TENT4A: variants seen among roughly 807,000 people sequenced by gnomAD.
TENT4A encodes the protein terminal nucleotidyltransferase 4A.
TENT4A carries 7 observed loss-of-function variants against 72.8 expected under a neutral mutation model. That is an observed-to-expected ratio of 0.10 (90% confidence interval 0.05 to 0.18). The LOEUF is 0.18. Ranked by LOEUF, TENT4A falls within the 10% of genes least tolerant of loss-of-function variation. The probability of loss-of-function intolerance (pLI) is 1.00; values close to 1 mark genes in which losing one functional copy is unlikely to be tolerated. For missense variants in TENT4A, 831 were observed against 1,017.7 expected (o/e 0.82, Z 2.50); for synonymous variants, 456 against 434.3 (o/e 1.05, Z -0.62).
rs1742490655 is a variant in TENT4A at position 6,752,916 on chromosome 5, T to A, written c.2063T>A (p.Val688Asp). Residue 688 changes from valine (V) to aspartate (D), a missense_variant, in exon 12 of 13, where the codon GTT becomes GAT. Coordinates refer to ENST00000230859, the MANE Select transcript of TENT4A (RefSeq NM_006999.6). ...IPPPTLGVAPVPCRQAGVEGT... is the reference protein window; with the variant it reads ...IPPPTLGVAPDPCRQAGVEGT... Reference sequence around the variant, plus strand: ...CCACCGACCCTAGGGGTTGCTCCTGTTCCTTGCAGACAAGCTGGTGTAGAA... The same window carrying A: ...CCACCGACCCTAGGGGTTGCTCCTGATCCTTGCAGACAAGCTGGTGTAGAA... 1 of 1,614,090 alleles carries A rather than the reference T, an allele frequency of 6.2e-7. No individual in the cohort carries two copies. Among genetic ancestry groups the A allele is most frequent in the Admixed American group, 1.7e-5 (1 of 59,998 alleles).
chr5:6,725,165 C>T (rs1219289194), intron 1 of TENT4A, among the ~76,000 whole-genome samples: 2 of 152,002 alleles, frequency 1.3e-5, no homozygotes, highest in African/African-American at 4.8e-5. Flanking sequence ...ACTAAAAATA[C>T]AAAAAATTAT....
chr5:6,719,590 C>G (rs1387389216), intron 1 of TENT4A, among the ~76,000 whole-genome samples: 1 of 152,162 alleles, frequency 6.6e-6, no homozygotes, highest in Non-Finnish European at 1.5e-5. Flanking sequence ...GCCTCGCCCT[C>G]TTCGAAAGCT....
At chr5:6,751,367 G>A in intron 11 of TENT4A, 170 bp downstream of exon 11, 2 of 675,224 alleles carry the variant, frequency 3.0e-6, no homozygotes, top group Non-Finnish European at 5.0e-6. Context: ...TGGTGTTGAG[G>A]TCCCCCATGT....
intron 11 of TENT4A, chr5:6,751,444 G>GTCTTTTCAC: frequency 2.1e-6 from 1 of 468,278 alleles, no homozygotes; most frequent in East Asian, 3.5e-5. Flanking sequence ...GGGCCAGGTT[G>GTCTTTTCAC]ACTGCCTTCC....
At chr5:6,734,646 T>C (rs1741385607) in intron 1 of TENT4A, among the ~76,000 whole-genome samples, 2 of 152,272 alleles carry the variant, frequency 1.3e-5, no homozygotes, top group African/African-American at 4.8e-5. Context: ...TTACAGCAGT[T>C]GCTCACTTTT....
intron 1 of TENT4A, among the ~76,000 whole-genome samples, chr5:6,718,922 G>T (rs1285313810): frequency 1.3e-5 from 2 of 151,946 alleles, no homozygotes; most frequent in Non-Finnish European, 1.5e-5. Context: ...AAGGAGGGTC[G>T]GAGTATTAAA....
At chr5:6,724,732 A>G (rs931580885) in intron 1 of TENT4A, among the ~76,000 whole-genome samples, 72 of 152,374 alleles carry the variant, frequency 4.7e-4, no homozygotes, top group African/African-American at 1.7e-3. Context: ...TGCTGTTCAC[A>G]GAGCCTCCCT....
chr5:6,739,894 T>C, intron 4 of TENT4A, 42 bp downstream of exon 4: 1 of 1,598,494 alleles, frequency 6.3e-7, no homozygotes, highest in South Asian at 1.1e-5. Flanking sequence ...GCAGGAGCCT[T>C]GTCACATCCC....
At chr5:6,742,337 G>C (rs533516396) in intron 4 of TENT4A, among the ~76,000 whole-genome samples, 153 bp from the exon 5 acceptor site, 3 of 152,242 alleles carry the variant, frequency 2.0e-5, no homozygotes, top group East Asian at 3.9e-4. Flanking sequence ...AGTCGTCCTG[G>C]GTTCAGGGAC....
chr5:6,745,905 G>T, intron 6 of TENT4A: 1 of 611,576 alleles, frequency 1.6e-6, no homozygotes, highest in Non-Finnish European at 2.4e-6. Flanking sequence ...AAGTTATGCA[G>T]AATATAGTCC....
rs1740244217 is a variant in TENT4A at position 6,714,261 on chromosome 5, G to C, written c.278G>C (p.Gly93Ala). 3 of 1,048,178 alleles carry C rather than the reference G, an allele frequency of 2.9e-6. No individual in the cohort carries two copies. Among genetic ancestry groups the C allele is most frequent in the Non-Finnish European group, 3.4e-6 (3 of 872,884 alleles). 64.9% of individuals were successfully genotyped at this position (1,048,178 alleles called of 1,614,324 possible). A position where few individuals can be genotyped will look rare whatever the true frequency, so the allele number is the denominator to read the frequency against. ...CCCCCCGCGCTGCTGACGGCGCTGG[G>C]GCCCGCGGCCGAGGGCGCGCGGCGC... Reference protein sequence around the residue: ...ALPPALLTALGPAAEGARRLH... With the variant: ...ALPPALLTALAPAAEGARRLH... Residue 93 changes from glycine (G) to alanine (A), a missense_variant, in exon 1 of 13, where the codon GGG (glycine) becomes GCG (alanine). Gly to Ala is a moderately conservative substitution (Grantham distance 60). This residue lies in a region of TENT4A where 302 missense variants were observed against 293.8 expected (regional missense o/e 1.03). Transcript: ENST00000230859.
In TENT4A at chr5:6,714,005, A is replaced by T; in HGVS notation, c.22A>T (p.Ile8Phe). 1 of 982,020 alleles carries T rather than the reference A, an allele frequency of 1.0e-6. No homozygotes were observed. The highest frequency in any genetic ancestry group is 1.2e-6 in the Non-Finnish European group (1 of 829,168). 60.8% of individuals were successfully genotyped at this position (982,020 alleles called of 1,614,324 possible). The change falls in exon 1 of 13, where the codon ATC (isoleucine) becomes TTC (phenylalanine). Residue 8 changes from isoleucine (I) to phenylalanine (F), a missense_variant. Physicochemically the swap from Ile to Phe is conservative, Grantham distance 21. Transcript: ENST00000230859. ...GTGGATGGATCCGCGCGTGGCCTGGATCCAGCCCGAGCAGAAGGGGCCGGC... is the reference window on the plus strand; with the variant it reads ...GTGGATGGATCCGCGCGTGGCCTGGTTCCAGCCCGAGCAGAAGGGGCCGGC... MDPRVAWIQPEQKGPANA... is the reference protein window; with the variant it reads MDPRVAWFQPEQKGPANA...
intron 4 of TENT4A, among the ~76,000 whole-genome samples, chr5:6,741,149 C>T (rs1198343058): frequency 2.0e-5 from 3 of 152,188 alleles, no homozygotes; most frequent in East Asian, 3.9e-4. Flanking sequence ...TCCCAGTGAC[C>T]TCGTTACTGT....
intron 1 of TENT4A, among the ~76,000 whole-genome samples, chr5:6,728,210 A>G (rs1246176562): frequency 2.6e-5 from 4 of 152,186 alleles, no homozygotes; most frequent in Non-Finnish European, 5.9e-5. Flanking sequence ...CGGCGGTTTC[A>G]TCAGACTCAG....
At chr5:6,738,165 G>C (rs1014651274) in intron 2 of TENT4A, among the ~76,000 whole-genome samples, 1 of 152,148 alleles carries the variant, frequency 6.6e-6, no homozygotes, top group South Asian at 2.1e-4. Flanking sequence ...CGTGAAGCCT[G>C]CCCCTGGCCG....
rs771841219 is a variant in TENT4A at position 6,748,464 on chromosome 5, G to A, written c.1460G>A (p.Gly487Glu). The A allele has an allele frequency of 6.2e-6, 10 of 1,613,978 alleles. No individual in the cohort carries two copies. In the South Asian group the frequency reaches 1.1e-4, roughly 18 times the overall value. ...GTCTGACATAGCCTTTTTGCTGCAGGGAATGACGTTGGCCGGAGCTCCTAT... is the reference window on the plus strand; with the variant it reads ...GTCTGACATAGCCTTTTTGCTGCAGAGAATGACGTTGGCCGGAGCTCCTAT... ...MLCIEDPLLP[G>E]NDVGRSSYGA... The change falls in exon 8 of 13, where the codon GGG (glycine) becomes GAG (glutamate). Residue 487 changes from glycine (G) to glutamate (E), a missense_variant and splice_region_variant. By Grantham distance (98) the Gly-to-Glu change is moderately conservative (BLOSUM62 -2). This residue lies in a region of TENT4A where 197 missense variants were observed against 399.6 expected (regional missense o/e 0.49). Transcript: ENST00000230859.
At chr5:6,733,312 C>T (rs762546633) in intron 1 of TENT4A, among the ~76,000 whole-genome samples, 97 of 152,382 alleles carry the variant, frequency 6.4e-4, no homozygotes, top group Non-Finnish European at 6.2e-4. Flanking sequence ...GCTGGCACTG[C>T]TTCCCGGCGT....
chr5:6,727,061 C>G (rs1740967282), intron 1 of TENT4A, among the ~76,000 whole-genome samples: 2 of 152,046 alleles, frequency 1.3e-5, no homozygotes, highest in Non-Finnish European at 2.9e-5. Flanking sequence ...GCTCTTGTTC[C>G]ACTCCTTGTC....
At chr5:6,754,465 T>TGG (rs1202938463) in intron 12 of TENT4A, among the ~76,000 whole-genome samples, 5 of 152,190 alleles carry the variant, frequency 3.3e-5, no homozygotes, top group Non-Finnish European at 5.9e-5. Flanking sequence ...CATTGGCACC[T>TGG]GGCTAGGGAC....
Sources: allele counts gnomAD v4.1 joint callset (sites outside exome capture counted in the v4.1 genomes callset), GRCh38; gene constraint gnomAD v4.1.1; regional missense constraint gnomAD v4.1.1; transcripts MANE v1.5; gene names NCBI Gene and HGNC (gene_info 2026-07-23, HGNC 2026-07-21).